Variants in NKAIN2 observed in about 807,000 individuals in gnomAD.
NKAIN2 encodes sodium/potassium-transporting ATPase subunit beta-1-interacting protein 2.
In NKAIN2, 14 loss-of-function variants were observed where a neutral mutation model predicts 32.6. That is an observed-to-expected ratio of 0.43 (90% CI 0.28 to 0.67). The LOEUF (loss-of-function observed/expected upper bound fraction) is 0.67. NKAIN2 is among the 30% of genes least tolerant of loss of function. NKAIN2 has a pLI of 0.17. For missense variants in NKAIN2, 198 were observed against 258.3 expected, an observed-to-expected ratio of 0.77 and a Z score of 1.60; for synonymous variants, 80 against 87.2, an observed-to-expected ratio of 0.92 and a Z score of 0.46.
At chr6:124,362,295 G>C (rs1025404118) in intron 3 of NKAIN2, among the ~76,000 whole-genome samples, 1 of 151,958 alleles carries the variant, frequency 6.6e-6, no homozygotes, top group Non-Finnish European at 1.5e-5. Flanking sequence ...ATGATGCAGG[G>C]AAAGATATTC....
intron 1 of NKAIN2, among the ~76,000 whole-genome samples, chr6:124,257,460 G>A (rs184349693): frequency 2.0e-5 from 3 of 152,154 alleles, no homozygotes; most frequent in African/African-American, 7.2e-5. Flanking sequence ...TCTGAACAAT[G>A]GCTTTATCTT....
At chr6:124,278,245 C>A (rs1313882157) in intron 1 of NKAIN2, among the ~76,000 whole-genome samples, 1 of 152,076 alleles carries the variant, frequency 6.6e-6, no homozygotes, top group Non-Finnish European at 1.5e-5. Flanking sequence ...ACATTTGAAG[C>A]AAACCTGTTT....
At chr6:124,545,368 G>A (rs906138666) in intron 3 of NKAIN2, among the ~76,000 whole-genome samples, 13 of 151,926 alleles carry the variant, frequency 8.6e-5, no homozygotes, top group African/African-American at 2.9e-4. Flanking sequence ...TAATCCCTTT[G>A]CCCATAAAGA....
In NKAIN2 at chr6:124,417,276, A is replaced by G. The variant is rs79349546; in HGVS notation, c.273+61929A>G. On this transcript the variant is annotated intron_variant, in intron 3 of 6. Transcript: ENST00000368417. The stretch of plus-strand genomic sequence containing the variant: ...AAAATCTGAAAGTCTTAACAAAGAT[A>G]TAGAATATAGAGAATCAAATGGAAA... 2.0e-3 allele frequency among the ~76,000 whole-genome samples: 310 copies of G among 152,352 alleles called. 1 individual carries two copies. The highest frequency in any genetic ancestry group is 4.3e-3 in the Admixed American group (66 of 15,304).
At chr6:123,818,916 T>C (rs1186532779) in intron 1 of NKAIN2, among the ~76,000 whole-genome samples, 2 of 152,160 alleles carry the variant, frequency 1.3e-5, no homozygotes, top group Non-Finnish European at 2.9e-5. Context: ...GCTTATCTTA[T>C]TTGCAATTCT....
chr6:124,714,147 G>T (rs1021355631), intron 4 of NKAIN2, among the ~76,000 whole-genome samples: 3 of 152,140 alleles, frequency 2.0e-5, no homozygotes, highest in African/African-American at 7.2e-5. Flanking sequence ...TCTTGCTGTA[G>T]TGGCTCTAAC....
chr6:124,020,792 T>A (rs1412046133), intron 1 of NKAIN2, among the ~76,000 whole-genome samples: 2 of 152,080 alleles, frequency 1.3e-5, no homozygotes. Flanking sequence ...ATCATTTGCA[T>A]CATTAGAACA....
intron 3 of NKAIN2, among the ~76,000 whole-genome samples, chr6:124,587,561 G>A (rs1781755608): frequency 6.6e-6 from 1 of 152,126 alleles, no homozygotes; most frequent in African/African-American, 2.4e-5. Context: ...ACCAGATAAT[G>A]TAGTGTCCCT....
intron 3 of NKAIN2, among the ~76,000 whole-genome samples, chr6:124,518,881 T>C (rs1481772451): frequency 6.6e-6 from 1 of 152,180 alleles, no homozygotes; most frequent in Non-Finnish European, 1.5e-5. Flanking sequence ...TAATGACATA[T>C]ACATTTTTGT....
chr6:124,006,930 T>G (rs528468089), intron 1 of NKAIN2, among the ~76,000 whole-genome samples: 1 of 152,308 alleles, frequency 6.6e-6, no homozygotes, highest in Non-Finnish European at 1.5e-5. Flanking sequence ...GTGACTGACC[T>G]AAGGAAATTT....
chr6:124,466,643 A>C (rs903683265), intron 3 of NKAIN2, among the ~76,000 whole-genome samples: 1 of 151,942 alleles, frequency 6.6e-6, no homozygotes, highest in East Asian at 1.9e-4. Flanking sequence ...GGCAACATGT[A>C]ATAAGACATG....
chr6:124,277,613 A>G (rs1795099032), intron 1 of NKAIN2, among the ~76,000 whole-genome samples: 1 of 152,080 alleles, frequency 6.6e-6, no homozygotes, highest in African/African-American at 2.4e-5. Flanking sequence ...AGTTCCTTGA[A>G]GTCCACTTTG....
chr6:123,993,571 G>T (rs984423211), intron 1 of NKAIN2, among the ~76,000 whole-genome samples: 3 of 152,042 alleles, frequency 2.0e-5, no homozygotes, highest in Non-Finnish European at 4.4e-5. Flanking sequence ...GTTGACTCTG[G>T]CTGTGTACAG....
chr6:124,247,936 A>T (rs192427411), intron 1 of NKAIN2, among the ~76,000 whole-genome samples: 1 of 152,054 alleles, frequency 6.6e-6, no homozygotes, highest in East Asian at 1.9e-4. Context: ...AAGATGAATT[A>T]AAAGAGTGTT....
At chr6:124,585,789 C>T (rs985350413) in intron 3 of NKAIN2, among the ~76,000 whole-genome samples, 1 of 152,074 alleles carries the variant, frequency 6.6e-6, no homozygotes, top group Non-Finnish European at 1.5e-5. Flanking sequence ...GTATAATTTA[C>T]ATACAGCAAA....
chr6:123,867,862 AT>A (rs1201240894), intron 1 of NKAIN2, among the ~76,000 whole-genome samples: 4,871 of 129,164 alleles, frequency 0.038, 63 homozygotes, highest in African/African-American at 0.054. Flanking sequence ...TACTGGGTTC[AT>A]TTTTTTTTTT....
At chr6:124,080,357 C>T (rs1037385660) in intron 1 of NKAIN2, among the ~76,000 whole-genome samples, 1 of 152,092 alleles carries the variant, frequency 6.6e-6, no homozygotes, top group Non-Finnish European at 1.5e-5. Context: ...TCTTCTGGAT[C>T]TATCAGTCTC....
intron 5 of NKAIN2, among the ~76,000 whole-genome samples, chr6:124,798,606 C>G (rs952599781): frequency 1.1e-4 from 17 of 152,114 alleles, no homozygotes; most frequent in African/African-American, 3.1e-4. Context: ...TCCCATTCCC[C>G]CCTCTGCCCA....
chr6:124,580,539 T>G (rs1307346367), intron 3 of NKAIN2, among the ~76,000 whole-genome samples: 1 of 151,474 alleles, frequency 6.6e-6, no homozygotes, highest in African/African-American at 2.4e-5. Flanking sequence ...AAGCAAGAAA[T>G]TAAAACATAC....
Sources: allele counts gnomAD v4.1 joint callset (sites outside exome capture counted in the v4.1 genomes callset), GRCh38; gene constraint gnomAD v4.1.1; transcripts MANE v1.5; gene names NCBI Gene and HGNC (gene_info 2026-07-23, HGNC 2026-07-21).